Variants in GLIS3 observed in about 807,000 individuals in gnomAD.
The protein encoded by GLIS3 is zinc finger protein GLIS3.
Under a neutral mutation model 78.6 loss-of-function variants are expected in GLIS3, and 53 were observed. The ratio of observed to expected loss-of-function variants is 0.67; its 90% CI spans 0.54 to 0.85. The LOEUF (loss-of-function observed/expected upper bound fraction) is 0.85, where lower values mean the gene tolerates loss of function less well. Ranked by LOEUF, GLIS3 falls within the 40% of genes least tolerant of loss-of-function variation. The pLI is 0.00. For synonymous variants in GLIS3, 684 were observed against 509.9 expected, an observed-to-expected ratio of 1.34 and a Z score of -4.60; for missense variants, 1,703 against 1,231.1, an observed-to-expected ratio of 1.38 and a Z score of -5.74.
chr9:3,870,933 A>C (rs1820931115), intron 8 of GLIS3, among the ~76,000 whole-genome samples: 1 of 152,244 alleles, frequency 6.6e-6, no homozygotes, highest in Admixed American at 6.5e-5. Flanking sequence ...GTCTGAGACA[A>C]GGCAGGTCTC....
chr9:3,939,394 T>C (rs548804494), intron 4 of GLIS3, among the ~76,000 whole-genome samples: 3 of 152,330 alleles, frequency 2.0e-5, no homozygotes, highest in African/African-American at 4.8e-5. Flanking sequence ...AAGAATACCA[T>C]TTCCAAGTCT....
rs138674422 is a variant in GLIS3 at position 4,059,804 on chromosome 9, T to TTGTGTGTGTGTGTG, written c.1710+57950_1710+57963dup. Among the ~76,000 whole-genome samples the TTGTGTGTGTGTGTG allele has an allele frequency of 2.9e-3, 309 of 107,598 alleles. 3 individuals carry two copies. The highest frequency in any genetic ancestry group is 0.014 in the Admixed American group (138 of 9,940). 70.6% of individuals were successfully genotyped at this position (107,598 alleles called of 152,430 possible). A position where few individuals can be genotyped will look rare whatever the true frequency, so the allele number is the denominator to read the frequency against. On this transcript the variant is annotated intron_variant, in intron 4 of 10. Transcript: ENST00000381971. ...GGGCTTGTCACTTACTCAGCTTTAT[T>TTGTGTGTGTGTGTG]TGTGTGTGTGTGTGTGTGTGTGTGT... is the stretch of plus-strand genomic sequence containing the variant.
chr9:4,018,145 G>A (rs1822588572), intron 4 of GLIS3, among the ~76,000 whole-genome samples: 1 of 152,198 alleles, frequency 6.6e-6, no homozygotes. Flanking sequence ...CATCTGAAAA[G>A]GAAGGCAGGA....
At chr9:4,003,915 G>C (rs1291745365) in intron 4 of GLIS3, among the ~76,000 whole-genome samples, 1 of 152,202 alleles carries the variant, frequency 6.6e-6, no homozygotes, top group Non-Finnish European at 1.5e-5. Flanking sequence ...TCGTGGTTAA[G>C]GCAGAGATCT....
rs73386293 is a variant in GLIS3 at position 4,335,428 on chromosome 9, A to G, written n.264+11653T>C. On this transcript the variant is annotated intron_variant and non_coding_transcript_variant, in intron 2 of 4. Coordinates refer to the GLIS3 transcript ENST00000471664. ...CTCGTAAACTTGCCAGATATAGCAA[A>G]TAAAAAGATCTGGTAATGCTACTCC... is the stretch of plus-strand genomic sequence containing the variant. 5.3e-3 allele frequency among the ~76,000 whole-genome samples: 806 copies of G among 152,320 alleles called. 8 individuals are homozygous for G. The highest frequency in any genetic ancestry group is 0.018 in the African/African-American group (748 of 41,568).
intron 4 of GLIS3, among the ~76,000 whole-genome samples, chr9:3,966,045 G>C (rs114596980): frequency 6.6e-6 from 1 of 152,144 alleles, no homozygotes; most frequent in Admixed American, 6.5e-5. Context: ...CATTTCAACA[G>C]AAAACTCAGG....
At chr9:4,485,977 C>A in the GLIS3 span, among the ~76,000 whole-genome samples, 1 of 152,326 alleles carries the variant, frequency 6.6e-6, no homozygotes, top group Non-Finnish European at 1.5e-5. Context: ...CCCCCTTGGC[C>A]TCCCAAAGAG....
In GLIS3 at chr9:4,205,518, C is replaced by G. The variant is rs1283581453; in HGVS notation, c.389-79577G>C. 2.6e-5 allele frequency among the ~76,000 whole-genome samples: 4 copies of G among 152,200 alleles called. No individual in the cohort carries two copies. In the East Asian group the frequency reaches 7.7e-4, roughly 29 times the overall value. ...AAGATTTGATGTGAGAATGTGATGT[C>G]TGGAGCTGCTTGCAGGCCTAGTGCT... On this transcript the variant is annotated intron_variant, in intron 2 of 10. Coordinates refer to ENST00000381971, the MANE Select transcript of GLIS3 (RefSeq NM_001042413.2).
the GLIS3 span, among the ~76,000 whole-genome samples, chr9:4,367,808 C>A: frequency 6.6e-6 from 1 of 151,960 alleles, no homozygotes; most frequent in Non-Finnish European, 1.5e-5. Context: ...TTATTATATG[C>A]CAAATATGGG....
intron 4 of GLIS3, among the ~76,000 whole-genome samples, chr9:4,082,996 C>A (rs1828689682): frequency 6.6e-6 from 1 of 152,086 alleles, no homozygotes; most frequent in Non-Finnish European, 1.5e-5. Context: ...TCTGCAAGTG[C>A]CAAAGTTTTT....
intron 2 of GLIS3, among the ~76,000 whole-genome samples, chr9:4,336,402 T>C (rs1001994932): frequency 3.9e-5 from 6 of 152,160 alleles, no homozygotes; most frequent in African/African-American, 1.4e-4. Context: ...AGGTCACCAA[T>C]ACTCTGGGTG....
intron 4 of GLIS3, among the ~76,000 whole-genome samples, chr9:3,938,014 G>C (rs927343134): frequency 6.6e-6 from 1 of 152,072 alleles, no homozygotes; most frequent in Non-Finnish European, 1.5e-5. Context: ...TGTCTTCTGA[G>C]GGCAAAATAT....
chr9:3,956,028 CAAAAAAAAAAAAA>C (rs5896037), intron 4 of GLIS3, among the ~76,000 whole-genome samples: 1 of 87,630 alleles, frequency 1.1e-5, no homozygotes, highest in Non-Finnish European at 2.3e-5. Context: ...CCAGATTCAG[CAAAAAAAAAAAAA>C]AAAAAAAGAA....
chr9:4,358,754 G>A, the GLIS3 span, among the ~76,000 whole-genome samples: 1 of 152,200 alleles, frequency 6.6e-6, no homozygotes, highest in Non-Finnish European at 1.5e-5. Context: ...GTACATATGT[G>A]TCCAGGTTAC....
intron 4 of GLIS3, among the ~76,000 whole-genome samples, chr9:4,064,359 G>A (rs892507316): frequency 1.3e-5 from 2 of 152,164 alleles, no homozygotes; most frequent in African/African-American, 2.4e-5. Flanking sequence ...ACAAATCATA[G>A]AAGTTATTGA....
the GLIS3 span, among the ~76,000 whole-genome samples, chr9:4,401,822 C>T: frequency 2.8e-4 from 42 of 152,122 alleles, no homozygotes; most frequent in Admixed American, 2.0e-3. Flanking sequence ...TGGCCTTGGG[C>T]TTTAAGTGAG....
In GLIS3 at chr9:4,015,630, G is replaced by A. The variant is rs372150813; in HGVS notation, c.1711-78441C>T. ...CAGCCAAGTGTGGTGGCTCACGCCC[G>A]TAATCCCAGCACTTTGGGAGGCTGT... On this transcript the variant is annotated intron_variant, in intron 4 of 10. Transcript: ENST00000381971. 8.0e-4 allele frequency among the ~76,000 whole-genome samples: 122 copies of A among 152,262 alleles called. 1 individual carries two copies. Among genetic ancestry groups the A allele is most frequent in the Middle Eastern group, 3.4e-3 (1 of 294 alleles).
rs147769253 is a variant in GLIS3, at chr9:4,107,491, G to A, written c.1710+10277C>T. Among the ~76,000 whole-genome samples the A allele has an allele frequency of 1.2e-3, 189 of 152,284 alleles. 2 individuals are homozygous for A. The highest frequency in any genetic ancestry group is 4.1e-3 in the African/African-American group (171 of 41,560). Reference sequence around the variant, plus strand: ...CAGAGCCATTAGATTGAAGGATCCTGAGTCACTATACAATCATAAGGAGTT... The same window carrying A: ...CAGAGCCATTAGATTGAAGGATCCTAAGTCACTATACAATCATAAGGAGTT... On this transcript the variant is annotated intron_variant, in intron 4 of 10. Transcript: ENST00000381971.
chr9:4,047,348 C>T (rs1825337723), intron 4 of GLIS3, among the ~76,000 whole-genome samples: 1 of 152,156 alleles, frequency 6.6e-6, no homozygotes, highest in African/African-American at 2.4e-5. Context: ...CAGGTAGTAT[C>T]TTGATAGTAG....
Sources: gnomAD v4.1 joint callset for allele counts (sites outside exome capture counted in the v4.1 genomes callset) on GRCh38, gnomAD v4.1.1 for gene constraint, MANE v1.5 for transcripts, NCBI Gene and HGNC (gene_info 2026-07-23, HGNC 2026-07-21) for gene names.